Variants in FRMD6 observed in about 807,000 individuals in gnomAD.
The protein encoded by FRMD6 is FERM domain-containing protein 6.
In FRMD6, 37 loss-of-function variants were observed where a neutral mutation model predicts 73.2. The ratio of observed to expected loss-of-function variants is 0.51; its 90% CI spans 0.39 to 0.66. FRMD6 has a LOEUF of 0.66. Among genes scored for constraint, FRMD6 ranks in the 30% least tolerant of loss-of-function variants. The pLI is 0.00. For synonymous variants in FRMD6, 273 were observed against 282.2 expected, an observed-to-expected ratio of 0.97 and a Z score of 0.33; for missense variants, 714 against 780.5, an observed-to-expected ratio of 0.91 and a Z score of 1.02.
chr14:51,508,333 G>C (rs1884095255), intron 1 of FRMD6, among the ~76,000 whole-genome samples: 1 of 152,256 alleles, frequency 6.6e-6, no homozygotes, highest in South Asian at 2.1e-4. Flanking sequence ...TGTCCCCAGA[G>C]CAAATTGTCT....
At chr14:51,626,601 A>G (rs1891126107) in intron 2 of FRMD6, among the ~76,000 whole-genome samples, 1 of 152,202 alleles carries the variant, frequency 6.6e-6, no homozygotes, top group African/African-American at 2.4e-5. Context: ...CTCAATAAAC[A>G]GAAGTTGCTA....
intron 1 of FRMD6, among the ~76,000 whole-genome samples, chr14:51,669,667 CT>C (rs1322806106): frequency 6.6e-6 from 1 of 151,870 alleles, no homozygotes; most frequent in African/African-American, 2.4e-5. Context: ...GGTGAAGTGA[CT>C]TTTTTGGCCA....
At position 51,708,185 on chromosome 14, in the gene FRMD6, G is replaced by A; in HGVS notation, c.666G>A (p.Glu222=). The A allele has an allele frequency of 6.2e-7, 1 of 1,613,260 alleles. No homozygotes were observed. The highest frequency in any genetic ancestry group is 1.3e-5 in the African/African-American group (1 of 74,952). ...ASEAHLKYIK[E]AVRLDDVAVH... The stretch of plus-strand genomic sequence containing the variant: ...AAGCTCATCTTAAATATATCAAAGA[G>A]GCTGTCCGACTGGATGACGTCGCTG... Residue 222 remains glutamate, a synonymous_variant, in exon 7 of 14, where the codon GAG becomes GAA. Coordinates refer to ENST00000344768, the MANE Select transcript of FRMD6 (RefSeq NM_001267046.2).
At chr14:51,396,720 G>C in the FRMD6 span, among the ~76,000 whole-genome samples, 1 of 152,286 alleles carries the variant, frequency 6.6e-6, no homozygotes, top group South Asian at 2.1e-4. Flanking sequence ...TAAAACTTTA[G>C]GTGAGTCATT....
the FRMD6 span, among the ~76,000 whole-genome samples, chr14:51,397,592 G>A: frequency 6.6e-6 from 1 of 152,140 alleles, no homozygotes; most frequent in Admixed American, 6.5e-5. Context: ...TAAGTGTGTT[G>A]TACTTTGTAC....
the FRMD6 span, among the ~76,000 whole-genome samples, chr14:51,448,682 C>A: frequency 2.8e-4 from 43 of 152,160 alleles, no homozygotes; most frequent in Admixed American, 1.8e-3. Context: ...AGTTCAAGGG[C>A]AGGTTAGGTC....
intron 1 of FRMD6, among the ~76,000 whole-genome samples, chr14:51,520,264 A>G (rs1055250409): frequency 2.0e-5 from 3 of 152,244 alleles, no homozygotes; most frequent in African/African-American, 4.8e-5. Flanking sequence ...CAAATTATAT[A>G]CCACAATGAA....
At chr14:51,485,747 G>A (rs1453908397), upstream of FRMD6, among the ~76,000 whole-genome samples, 2 of 152,304 alleles carry the variant, frequency 1.3e-5, no homozygotes, top group Admixed American at 6.5e-5. Context: ...GGCATGGCTC[G>A]GTTGAAGATT....
At chr14:51,520,587 T>C (rs951938871) in intron 1 of FRMD6, among the ~76,000 whole-genome samples, 4 of 152,154 alleles carry the variant, frequency 2.6e-5, no homozygotes, top group Non-Finnish European at 5.9e-5. Context: ...ATCCATACCA[T>C]GAAATTAAAA....
intron 7 of FRMD6, among the ~76,000 whole-genome samples, chr14:51,709,741 G>A (rs1189893055): frequency 6.6e-6 from 1 of 152,066 alleles, no homozygotes; most frequent in Non-Finnish European, 1.5e-5. Flanking sequence ...GCAAATAAAT[G>A]ACAGTTTTGA....
At chr14:51,683,526 A>C (rs1894954106) in intron 1 of FRMD6, among the ~76,000 whole-genome samples, 1 of 151,696 alleles carries the variant, frequency 6.6e-6, no homozygotes, top group Non-Finnish European at 1.5e-5. Context: ...TAACCTCAAT[A>C]AATTTTCCTG....
At chr14:51,647,160 A>T (rs1028477204), upstream of FRMD6, among the ~76,000 whole-genome samples, 2 of 151,462 alleles carry the variant, frequency 1.3e-5, no homozygotes, top group South Asian at 4.2e-4. Context: ...ACTTTTACAT[A>T]TTTTTTTTTC....
chr14:51,520,699 A>G (rs1436056191), intron 1 of FRMD6, among the ~76,000 whole-genome samples: 1 of 152,114 alleles, frequency 6.6e-6, no homozygotes, highest in Non-Finnish European at 1.5e-5. Flanking sequence ...GGAGTTTGAG[A>G]CCAGCCTAGG....
intron 1 of FRMD6, among the ~76,000 whole-genome samples, chr14:51,508,533 T>C (rs1884111518): frequency 2.0e-5 from 3 of 152,190 alleles, no homozygotes; most frequent in Admixed American, 2.0e-4. Flanking sequence ...CGTGAACAGG[T>C]GGTCGACTAT....
the FRMD6 span, among the ~76,000 whole-genome samples, chr14:51,420,398 A>C: frequency 3.9e-5 from 6 of 152,346 alleles, no homozygotes; most frequent in Admixed American, 3.9e-4. Context: ...AGAGGGATGG[A>C]GACTTATGAC....
chr14:51,607,681 A>G (rs1269177684), intron 2 of FRMD6, among the ~76,000 whole-genome samples: 1 of 152,210 alleles, frequency 6.6e-6, no homozygotes, highest in Non-Finnish European at 1.5e-5. Context: ...CCTAACACAG[A>G]TGGTACTGCA....
At chr14:51,640,165 A>T (rs999737348) in intron 2 of FRMD6, among the ~76,000 whole-genome samples, 3 of 152,228 alleles carry the variant, frequency 2.0e-5, no homozygotes, top group African/African-American at 7.2e-5. Context: ...AATCTGAATT[A>T]GATGCACTGA....
At chr14:51,674,755 A>G (rs1894266059) in intron 1 of FRMD6, among the ~76,000 whole-genome samples, 1 of 152,140 alleles carries the variant, frequency 6.6e-6, no homozygotes, top group African/African-American at 2.4e-5. Context: ...AACGCATCAG[A>G]GGATGATTAC....
the FRMD6 span, among the ~76,000 whole-genome samples, chr14:51,459,882 C>CTTTTTTTTTTTTTTT: frequency 1.5e-3 from 34 of 23,418 alleles, 1 homozygote; most frequent in African/African-American, 6.3e-3. Context: ...ATTACTGACT[C>CTTTTTTTTTTTTTTT]TCTTTTTTTT....
Sources: gnomAD v4.1 joint callset for allele counts (sites outside exome capture counted in the v4.1 genomes callset) on GRCh38, gnomAD v4.1.1 for gene constraint, MANE v1.5 for transcripts, NCBI Gene and HGNC (gene_info 2026-07-23, HGNC 2026-07-21) for gene names.